The following ANK2 variants were observed in gnomAD, a reference collection of about 807,000 sequenced individuals.
The protein encoded by ANK2 is ankyrin-2.
In ANK2, 83 loss-of-function variants were observed where a neutral mutation model predicts 360.5. That is an observed-to-expected ratio of 0.23 (90% confidence interval 0.19 to 0.28). The LOEUF (loss-of-function observed/expected upper bound fraction) is 0.28, where lower values mean the gene tolerates loss of function less well. ANK2 is among the 10% of genes least tolerant of loss of function. ANK2 has a pLI of 1.00. For missense variants in ANK2, 4,201 were observed against 4,795.7 expected (o/e 0.88, Z 3.66); for synonymous variants, 1,740 against 1,759.5 (o/e 0.99, Z 0.28).
chr4:112,779,851 G>A, the ANK2 span, among the ~76,000 whole-genome samples: 1 of 152,110 alleles, frequency 6.6e-6, no homozygotes, highest in African/African-American at 2.4e-5. Context: ...TTTCTTGCAG[G>A]GCATCATTAT....
rs79736382 is a variant in ANK2 at position 112,981,089 on chromosome 4, A to G, written c.21+76575A>G. 6.2e-3 allele frequency among the ~76,000 whole-genome samples: 943 copies of G among 152,340 alleles called. 6 individuals carry two copies. The highest frequency in any genetic ancestry group is 0.01 in the Non-Finnish European group (711 of 68,026). ...CGTGCCTCAGGCTGAAAGTGTAACT[A>G]TTTGAGATGGATCTGGAAGGAGTTG... On this transcript the variant is annotated intron_variant, in intron 2 of 30. Coordinates refer to the ANK2 transcript ENST00000503271.
At chr4:112,894,400 G>A (rs768861584) in intron 1 of ANK2, among the ~76,000 whole-genome samples, 4 of 152,012 alleles carry the variant, frequency 2.6e-5, no homozygotes, top group South Asian at 2.1e-4. Context: ...TGTTACATAC[G>A]GATATGTAGT....
chr4:112,765,960 A>G, the ANK2 span, among the ~76,000 whole-genome samples: 1 of 152,192 alleles, frequency 6.6e-6, no homozygotes, highest in Admixed American at 6.5e-5. Context: ...GGTTGGGAAC[A>G]CTATGTAGTC....
chr4:112,788,548 T>C, the ANK2 span: 1 of 1,587,202 alleles, frequency 6.3e-7, no homozygotes, highest in Non-Finnish European at 8.6e-7. Flanking sequence ...CCAACAGCCT[T>C]CTTCTCTTGC....
At chr4:112,987,258 T>A (rs1364718100) in intron 2 of ANK2, among the ~76,000 whole-genome samples, 2 of 152,154 alleles carry the variant, frequency 1.3e-5, no homozygotes, top group African/African-American at 2.4e-5. Context: ...CCCCAGAGCT[T>A]CCTCAGTGGG....
At chr4:113,333,294 G>A (rs2092889732) in intron 29 of ANK2, 86 bp downstream of exon 29, 2 of 1,446,088 alleles carry the variant, frequency 1.4e-6, no homozygotes, top group South Asian at 1.2e-5. Context: ...AGGGGTGTGT[G>A]TATATGTGTG....
chr4:113,102,994 T>C (rs1581649997), intron 1 of ANK2, among the ~76,000 whole-genome samples: 4 of 152,266 alleles, frequency 2.6e-5, no homozygotes, highest in South Asian at 2.1e-4. Flanking sequence ...TAATGCAACA[T>C]GGTATTTAAT....
chr4:112,802,768 A>G, the ANK2 span, among the ~76,000 whole-genome samples: 1 of 152,204 alleles, frequency 6.6e-6, no homozygotes, highest in Non-Finnish European at 1.5e-5. Flanking sequence ...AGGAGTTAAA[A>G]CAAAAACAAA....
intron 14 of ANK2, among the ~76,000 whole-genome samples, chr4:113,273,971 G>A (rs563745353): frequency 2.4e-4 from 36 of 152,236 alleles, no homozygotes; most frequent in African/African-American, 8.2e-4. Context: ...TGAAGAAAAT[G>A]ACCAGCATTT....
intron 39 of ANK2, among the ~76,000 whole-genome samples, chr4:113,363,119 A>G (rs1184713053): frequency 6.6e-6 from 1 of 152,132 alleles, no homozygotes; most frequent in Non-Finnish European, 1.5e-5. Flanking sequence ...TATTTTCACT[A>G]TGCAGTGATA....
intron 23 of ANK2, among the ~76,000 whole-genome samples, chr4:113,305,449 C>T (rs1284116331): frequency 6.6e-6 from 1 of 150,894 alleles, no homozygotes; most frequent in Non-Finnish European, 1.5e-5. Context: ...TTAAATATTA[C>T]TGGTGATAAG....
chr4:112,871,189 T>G (rs980826220), intron 1 of ANK2, among the ~76,000 whole-genome samples: 2 of 140,600 alleles, frequency 1.4e-5, no homozygotes, highest in Admixed American at 7.1e-5. Flanking sequence ...TAGCTTTTAG[T>G]TTTTTTTTTT....
Position 113,152,080 on chromosome 4 carries a change from AAAAAAAAAAAAAAAG to A in ANK2, c.85-22329_85-22315del, listed in dbSNP as rs199664022. On this transcript the variant is annotated intron_variant, in intron 1 of 45. Coordinates refer to ENST00000357077, the MANE Select transcript of ANK2 (RefSeq NM_001148.6). ...GTCTCTGTCTCAAAAAAAAAAAAAG[AAAAAAAAAAAAAAAG>A]AAAAAAGAAGGAAAGAAAGATTACA... is the stretch of plus-strand genomic sequence containing the variant. 9.2e-4 allele frequency among the ~76,000 whole-genome samples: 19 copies of A among 20,690 alleles called. 3 individuals are homozygous for A. The highest frequency in any genetic ancestry group is 1.8e-3 in the African/African-American group (5 of 2,832). 13.6% of individuals were successfully genotyped at this position (20,690 alleles called of 152,430 possible).
intron 4 of ANK2, among the ~76,000 whole-genome samples, chr4:113,206,856 T>C (rs1470597494): frequency 6.6e-6 from 1 of 152,190 alleles, no homozygotes; most frequent in African/African-American, 2.4e-5. Context: ...AAACTGCATC[T>C]GTACTAAAAA....
chr4:113,322,228 A>C (rs2086680181), intron 26 of ANK2, among the ~76,000 whole-genome samples: 1 of 152,252 alleles, frequency 6.6e-6, no homozygotes, highest in Non-Finnish European at 1.5e-5. Context: ...GTTCATAACT[A>C]GAGAACAATA....
chr4:113,332,798 G>A (rs2092769187), intron 28 of ANK2, among the ~76,000 whole-genome samples: 1 of 152,240 alleles, frequency 6.6e-6, no homozygotes, highest in South Asian at 2.1e-4. Context: ...CAAAGGAGAA[G>A]TTCCAGAATG....
chr4:112,732,533 C>G, the ANK2 span, among the ~76,000 whole-genome samples: 6 of 151,644 alleles, frequency 4.0e-5, no homozygotes, highest in South Asian at 1.3e-3. Context: ...AGGCCTGTGC[C>G]CAGCCAGAGT....
At chr4:113,339,373 A>G (rs1317033651) in intron 32 of ANK2, 51 bp downstream of exon 32, 14 of 1,423,600 alleles carry the variant, frequency 9.8e-6, no homozygotes, top group Non-Finnish European at 1.4e-5. Flanking sequence ...ACCCTCCAAA[A>G]AAACTGCCCT....
At chr4:113,298,877 A>G (rs2153778509) in intron 22 of ANK2, among the ~76,000 whole-genome samples, 1 of 152,322 alleles carries the variant, frequency 6.6e-6, no homozygotes, top group South Asian at 2.1e-4. Context: ...CATTTTGTTT[A>G]AAAGGAAAAT....
Sources: gnomAD v4.1 joint callset for allele counts (sites outside exome capture counted in the v4.1 genomes callset) on GRCh38, gnomAD v4.1.1 for gene constraint, MANE v1.5 for transcripts, NCBI Gene and HGNC (gene_info 2026-07-23, HGNC 2026-07-21) for gene names.